The following BUD13 variants were observed in gnomAD, a reference collection of about 807,000 sequenced individuals.
BUD13 encodes BUD13 homolog.
BUD13 carries 47 observed loss-of-function variants against 62.5 expected under a neutral mutation model. The observed-to-expected ratio is 0.75, with a 90% CI of 0.60 to 0.96. The LOEUF (loss-of-function observed/expected upper bound fraction) is 0.96. Ranked by LOEUF, BUD13 falls within the 40% of genes least tolerant of loss-of-function variation. The pLI, the probability that BUD13 is intolerant of heterozygous loss-of-function variation, is 0.00. For synonymous variants in BUD13, 293 were observed against 280.1 expected (o/e 1.05, Z -0.46); for missense variants, 821 against 790.9 (o/e 1.04, Z -0.46).
intron 3 of BUD13, among the ~76,000 whole-genome samples, chr11:116,764,510 G>A (rs942540820): frequency 6.6e-6 from 1 of 152,134 alleles, no homozygotes; most frequent in Non-Finnish European, 1.5e-5. Flanking sequence ...GTGTGAGTGT[G>A]ACTGTGTGTG....
At chr11:116,758,648 C>T (rs955130353) in intron 6 of BUD13, among the ~76,000 whole-genome samples, 13 of 135,792 alleles carry the variant, frequency 9.6e-5, no homozygotes, top group African/African-American at 2.5e-4. Context: ...AGTGCAGTGG[C>T]GCGATCTTGG....
chr11:116,763,470 A>C (rs561302206), intron 3 of BUD13, among the ~76,000 whole-genome samples: 1 of 152,316 alleles, frequency 6.6e-6, no homozygotes, highest in Non-Finnish European at 1.5e-5. Flanking sequence ...CTACCAAGTC[A>C]TAAATTTGCA....
At chr11:116,761,162 G>A (rs1408874511) in intron 4 of BUD13, among the ~76,000 whole-genome samples, 1 of 151,094 alleles carries the variant, frequency 6.6e-6, no homozygotes, top group Non-Finnish European at 1.5e-5. Flanking sequence ...AGCAATTATT[G>A]TGCCTCAGCC....
In BUD13 at chr11:116,762,970, G is replaced by C. The variant is rs931465792; in HGVS notation, c.619C>G (p.Gln207Glu). ...SPDPSPPRRP[Q>E]HNSSGASPRR... ...GGAGATGCACCTGAAGAATTATGCT[G>C]AGGCCTCCTTGGGGGAGAAGGATCT... Residue 207 changes from glutamine to glutamate, a missense_variant, in exon 4 of 10, where the codon CAG becomes GAG. Physicochemically the swap from Gln to Glu is conservative, Grantham distance 29 (BLOSUM62 2). Transcript: ENST00000260210. The C allele has an allele frequency of 3.1e-6, 5 of 1,613,848 alleles. No individual in the cohort carries two copies. In the African/African-American group the frequency reaches 6.7e-5, roughly 22 times the overall value.
chr11:116,769,989 G>A (rs1345781239), intron 2 of BUD13, 140 bp downstream of exon 2: 16 of 556,286 alleles, frequency 2.9e-5, no homozygotes, highest in Admixed American at 7.3e-5. Context: ...CCCGGGAGGC[G>A]GAGGTTGCAG....
chr11:116,762,880 C>T lies in BUD13; in HGVS notation c.709G>A (p.Asp237Asn). The T allele has an allele frequency of 6.2e-7, 1 of 1,613,876 alleles. No homozygotes were observed. The highest frequency in any genetic ancestry group is 8.5e-7 in the Non-Finnish European group (1 of 1,179,978). ...TGGACCCTTCTGGGGGAAGAGATAT[C>T]TGAGGAACCATGACGGGCTCGCCTA... ...PPRRARHGSS[D>N]ISSPRRVHNN... The change falls in exon 4 of 10, where the codon GAT becomes AAT. Residue 237 changes from aspartate (D) to asparagine (N), a missense_variant. Asp to Asn is a conservative substitution (Grantham distance 23). This residue lies in a region of BUD13 where 800 missense variants were observed against 739.2 expected (regional missense o/e 1.08). Transcript: ENST00000260210.
chr11:116,750,287 A>G (rs1452930844), intron 9 of BUD13, among the ~76,000 whole-genome samples: 1 of 152,234 alleles, frequency 6.6e-6, no homozygotes, highest in African/African-American at 2.4e-5. Flanking sequence ...CATGGAAAAC[A>G]ATACAGGGGT....
intron 4 of BUD13, among the ~76,000 whole-genome samples, chr11:116,761,153 G>A (rs544952473): frequency 6.6e-6 from 1 of 152,076 alleles, no homozygotes; most frequent in South Asian, 2.1e-4. Flanking sequence ...CTGGGTTCAA[G>A]CAATTATTGT....
At chr11:116,757,461 ATTT>A (rs35269431) in intron 8 of BUD13, among the ~76,000 whole-genome samples, 18 of 138,892 alleles carry the variant, frequency 1.3e-4, no homozygotes, top group Admixed American at 3.6e-4. Flanking sequence ...ATGACCGGCT[ATTT>A]TTTTTTTTTT....
chr11:116,757,775 T>C lies in BUD13; in HGVS notation c.1675A>G (p.Asn559Asp), dbSNP rs1057036979. The change falls in exon 8 of 10, where the codon AAT (asparagine) becomes GAT (aspartate). Residue 559 changes from asparagine (N) to aspartate (D), a missense_variant. By Grantham distance (23) the Asn-to-Asp change is conservative. Transcript: ENST00000260210. ...IKKNKAKENKNKKVRPRYSGP... is the reference protein window; with the variant it reads ...IKKNKAKENKDKKVRPRYSGP... The stretch of plus-strand genomic sequence containing the variant: ...TTCCCAGAAGTCCCACCTTTTTTAT[T>C]CTTGTTCTCCTTGGCCTTATTCTTC... The C allele has an allele frequency of 4.4e-6, 7 of 1,607,264 alleles. No individual in the cohort carries two copies. The Admixed American group carries it at 6.9e-5, about 16-fold the overall frequency.
chr11:116,769,346 T>C (rs622604), intron 2 of BUD13, among the ~76,000 whole-genome samples: 61,982 of 152,118 alleles, frequency 0.41, 12,759 homozygotes, highest in Middle Eastern at 0.44. Flanking sequence ...TTGAAATTTA[T>C]CTGAAATTCA....
At chr11:116,766,826 CAG>C (rs1295867822) in intron 2 of BUD13, among the ~76,000 whole-genome samples, 1 of 152,180 alleles carries the variant, frequency 6.6e-6, no homozygotes, top group Non-Finnish European at 1.5e-5. Context: ...TTAACCAATG[CAG>C]AGAGCAGTGG....
Position 116,762,857 on chromosome 11 carries a change from G to T in BUD13, c.732C>A (p.Val244=), listed in dbSNP as rs770238071. 1.2e-6 allele frequency: 2 copies of T among 1,613,556 alleles called. No homozygotes were observed. The highest frequency in any genetic ancestry group is 1.7e-6 in the Non-Finnish European group (2 of 1,179,884). Reference sequence around the variant, plus strand: ...TAGATGTGTCAGGGGAGTTGTTATGGACCCTTCTGGGGGAAGAGATATCTG... The same window carrying T: ...TAGATGTGTCAGGGGAGTTGTTATGTACCCTTCTGGGGGAAGAGATATCTG... ...GSSDISSPRR[V]HNNSPDTSRR... The change falls in exon 4 of 10, where the codon GTC becomes GTA. Residue 244 remains valine, a synonymous_variant. Transcript: ENST00000260210.
chr11:116,769,005 A>T (rs1940579029), intron 2 of BUD13, among the ~76,000 whole-genome samples: 1 of 131,100 alleles, frequency 7.6e-6, no homozygotes, highest in Non-Finnish European at 1.6e-5. Context: ...ACACGGTGAG[A>T]CTCCGTCTCA....
At chr11:116,758,467 A>G in intron 6 of BUD13, 60 bp from the exon 7 acceptor site, 5 of 1,579,888 alleles carry the variant, frequency 3.2e-6, no homozygotes. Context: ...ATTCTAAGAG[A>G]TCAAATCAAC....
At position 116,763,217 on chromosome 11, in the gene BUD13, C is replaced by A. The variant is rs763357412; in HGVS notation, c.372G>T (p.Pro124=). 2 of 1,559,722 alleles carry A rather than the reference C, an allele frequency of 1.3e-6. No homozygotes were observed. Among genetic ancestry groups the A allele is most frequent in the Non-Finnish European group, 1.7e-6 (2 of 1,153,650 alleles). The change falls in exon 4 of 10, where the codon CCG becomes CCT. Residue 124 remains proline (P), a synonymous_variant. Coordinates refer to ENST00000260210, the MANE Select transcript of BUD13 (RefSeq NM_032725.4). ...PSNRHFRHDT[P]DSSPRRVRHG... is the part of the protein sequence containing the mutation. ...GACGGACCCTCCTAGGAGATGAATC[C>A]GGGGTATCGTGACGAAAATGTCTGT...
chr11:116,748,464 C>A lies in BUD13; in HGVS notation c.*18G>T. On this transcript the variant is annotated 3_prime_UTR_variant, in exon 10 of 10. Coordinates refer to ENST00000260210, the MANE Select transcript of BUD13 (RefSeq NM_032725.4). ...TGCCCACTACCACAGCCCAGCCACC[C>A]CCACAGCCTCAGGAAAGTTACATAT... 1.2e-6 allele frequency: 2 copies of A among 1,612,278 alleles called. No homozygotes were observed. Among genetic ancestry groups the A allele is most frequent in the Non-Finnish European group, 1.7e-6 (2 of 1,178,304 alleles).
At position 116,757,218 on chromosome 11, in the gene BUD13, C is replaced by T. The variant is rs960969331; in HGVS notation, c.1694G>A (p.Arg565His). The T allele has an allele frequency of 5.6e-6, 9 of 1,613,884 alleles. No individual in the cohort carries two copies. The highest frequency in any genetic ancestry group is 2.2e-5 in the East Asian group (1 of 44,870). ...KENKNKKVRP[R>H]YSGPAPPPNR... ...GGGAGGAGGTGCTGGACCACTGTAG[C>T]GAGGTCTCACTAATGAGAGGAGTAA... Residue 565 changes from arginine to histidine, a missense_variant, in exon 9 of 10, where the codon CGC becomes CAC. Arg to His is a conservative substitution (Grantham distance 29). This residue lies in a region of BUD13 where 800 missense variants were observed against 739.2 expected (regional missense o/e 1.08). Transcript: ENST00000260210.
intron 9 of BUD13, among the ~76,000 whole-genome samples, chr11:116,754,517 T>C (rs567089374): frequency 1.3e-5 from 2 of 152,280 alleles, no homozygotes; most frequent in African/African-American, 4.8e-5. Flanking sequence ...AGAAAATATT[T>C]TGAACAAAAT....
Sources: allele counts gnomAD v4.1 joint callset (sites outside exome capture counted in the v4.1 genomes callset), GRCh38; gene constraint gnomAD v4.1.1; regional missense constraint gnomAD v4.1.1; transcripts MANE v1.5; gene names NCBI Gene and HGNC (gene_info 2026-07-23, HGNC 2026-07-21).